ASIC2: variants seen among roughly 807,000 people sequenced by gnomAD.
ASIC2 encodes acid-sensing ion channel 2.
In ASIC2, 25 loss-of-function variants were observed where a neutral mutation model predicts 57.3. The observed-to-expected ratio is 0.44, with a 90% CI of 0.32 to 0.61. The LOEUF is 0.61. Among genes scored for constraint, ASIC2 ranks in the 20% least tolerant of loss-of-function variants. The probability of loss-of-function intolerance (pLI) is 0.06; values close to 1 mark genes in which losing one functional copy is unlikely to be tolerated. For missense variants in ASIC2, 641 were observed against 738.1 expected, an observed-to-expected ratio of 0.87 and a Z score of 1.52; for synonymous variants, 319 against 307.5, an observed-to-expected ratio of 1.04 and a Z score of -0.39.
intron 1 of ASIC2, among the ~76,000 whole-genome samples, chr17:33,868,157 A>G (rs1469935254): frequency 2.6e-5 from 4 of 151,256 alleles, no homozygotes; most frequent in African/African-American, 9.7e-5. Context: ...CCCAAAAACT[A>G]TTTATGGCAG....
intron 1 of ASIC2, among the ~76,000 whole-genome samples, chr17:34,056,593 C>G (rs556619139): frequency 6.6e-6 from 1 of 152,124 alleles, no homozygotes; most frequent in Admixed American, 6.5e-5. Context: ...AGTCCACAAC[C>G]AAATCAACCT....
intron 1 of ASIC2, among the ~76,000 whole-genome samples, chr17:33,705,729 G>A (rs1270676308): frequency 6.6e-6 from 1 of 152,140 alleles, no homozygotes; most frequent in African/African-American, 2.4e-5. Flanking sequence ...CAACACCTTG[G>A]TTTTGGCTCA....
chr17:33,125,267 C>T (rs2092318856), intron 1 of ASIC2, among the ~76,000 whole-genome samples: 1 of 152,236 alleles, frequency 6.6e-6, no homozygotes, highest in Non-Finnish European at 1.5e-5. Context: ...ATTTCTTAGA[C>T]TTGGCCCCTG....
chr17:33,651,436 T>C (rs903653030), intron 1 of ASIC2, among the ~76,000 whole-genome samples: 10 of 152,328 alleles, frequency 6.6e-5, no homozygotes, highest in African/African-American at 2.4e-4. Context: ...ATTCCAACAC[T>C]GACAGTTCTG....
intron 1 of ASIC2, among the ~76,000 whole-genome samples, chr17:33,471,670 G>C (rs1481667988): frequency 1.3e-5 from 2 of 152,118 alleles, no homozygotes; most frequent in African/African-American, 2.4e-5. Flanking sequence ...TTCTCCGCAG[G>C]AATGGCCAGA....
chr17:33,139,557 C>T (rs1029201565), intron 1 of ASIC2, among the ~76,000 whole-genome samples: 3 of 152,198 alleles, frequency 2.0e-5, no homozygotes, highest in Non-Finnish European at 2.9e-5. Context: ...CTTGGCCAGG[C>T]CCCCAACATC....
intron 1 of ASIC2, among the ~76,000 whole-genome samples, chr17:33,165,676 T>C (rs184825109): frequency 2.5e-3 from 374 of 152,264 alleles, no homozygotes; most frequent in Middle Eastern, 6.8e-3. Context: ...TTCTCACTCA[T>C]TTAAGAAGCC....
At chr17:33,428,087 C>T (rs965163787) in intron 1 of ASIC2, among the ~76,000 whole-genome samples, 1 of 152,322 alleles carries the variant, frequency 6.6e-6, no homozygotes, top group African/African-American at 2.4e-5. Flanking sequence ...ATCTTACCTG[C>T]AACCTCATAG....
intron 1 of ASIC2, among the ~76,000 whole-genome samples, chr17:34,061,520 A>G (rs1412119744): frequency 6.6e-6 from 1 of 152,226 alleles, no homozygotes; most frequent in Non-Finnish European, 1.5e-5. Flanking sequence ...GGTACCTCAC[A>G]TTTCAACACT....
intron 1 of ASIC2, among the ~76,000 whole-genome samples, chr17:33,488,929 C>T (rs1276613838): frequency 3.9e-5 from 6 of 152,040 alleles, no homozygotes; most frequent in Non-Finnish European, 7.4e-5. Context: ...CTGAGTTCCC[C>T]GAGACTCTTC....
In ASIC2 at chr17:33,292,368, C is replaced by T. The variant is rs1338888493; in HGVS notation, c.-253G>A. 1 of 986,012 alleles carries T rather than the reference C, an allele frequency of 1.0e-6. No homozygotes were observed. The highest frequency in any genetic ancestry group is 1.1e-4 in the East Asian group (1 of 8,760). 61.1% of individuals were successfully genotyped at this position (986,012 alleles called of 1,614,324 possible). ...CCTGGCAGTGGCCTCTCCCGAGCGC[C>T]TCCCAGGCTTTCCCGGCCCCTGGTC... is the stretch of plus-strand genomic sequence containing the variant. On this transcript the variant is annotated 5_prime_UTR_variant, in exon 1 of 10. Transcript: ENST00000225823.
intron 1 of ASIC2, among the ~76,000 whole-genome samples, chr17:33,485,637 A>G (rs1159828035): frequency 6.6e-6 from 1 of 152,038 alleles, no homozygotes; most frequent in African/African-American, 2.4e-5. Flanking sequence ...CCCTAAACTC[A>G]ATGAAGTGGG....
intron 1 of ASIC2, among the ~76,000 whole-genome samples, chr17:33,368,797 T>G (rs1367006335): frequency 6.6e-6 from 1 of 152,174 alleles, no homozygotes; most frequent in African/African-American, 2.4e-5. Context: ...CTGCTGGCTT[T>G]CTTTCTCTGC....
rs969785768 is a variant in ASIC2 at position 33,051,755 on chromosome 17, C to T, written c.988-23363G>A. ...AGAATCTAGCGCACTGCCTATATGA[C>T]ATATAGAAGGCAGTCAATATAGCAG... On this transcript the variant is annotated intron_variant, in intron 3 of 9. Transcript: ENST00000225823. Among the ~76,000 whole-genome samples the T allele has an allele frequency of 2.0e-5, 3 of 152,252 alleles. No individual in the cohort carries two copies. In the East Asian group the frequency reaches 5.8e-4, roughly 29 times the overall value.
chr17:33,598,410 G>C (rs1429523227), intron 1 of ASIC2, among the ~76,000 whole-genome samples: 1 of 152,146 alleles, frequency 6.6e-6, no homozygotes, highest in African/African-American at 2.4e-5. Flanking sequence ...CATATTCTTT[G>C]GGTCAAGAAT....
At chr17:33,617,113 C>G (rs1373287116) in intron 1 of ASIC2, among the ~76,000 whole-genome samples, 1 of 152,068 alleles carries the variant, frequency 6.6e-6, no homozygotes, top group Non-Finnish European at 1.5e-5. Context: ...TAGAAAGCAC[C>G]CTAGGCTTAG....
intron 3 of ASIC2, among the ~76,000 whole-genome samples, chr17:33,047,666 C>A (rs1233654093): frequency 6.6e-6 from 1 of 152,188 alleles, no homozygotes; most frequent in African/African-American, 2.4e-5. Context: ...AAAGTACTTT[C>A]ATTTCCACTA....
chr17:33,025,688 C>T (rs1424700192), intron 5 of ASIC2, among the ~76,000 whole-genome samples: 1 of 152,058 alleles, frequency 6.6e-6, no homozygotes, highest in Non-Finnish European at 1.5e-5. Flanking sequence ...CTCTTTCTCT[C>T]CCCAGTCCCA....
intron 1 of ASIC2, among the ~76,000 whole-genome samples, chr17:33,881,955 C>A (rs1197089449): frequency 2.6e-5 from 4 of 151,980 alleles, no homozygotes; most frequent in Non-Finnish European, 5.9e-5. Flanking sequence ...AAATAATACC[C>A]CACATCTACA....
Sources: gnomAD v4.1 joint callset for allele counts (sites outside exome capture counted in the v4.1 genomes callset) on GRCh38, gnomAD v4.1.1 for gene constraint, MANE v1.5 for transcripts, NCBI Gene and HGNC (gene_info 2026-07-23, HGNC 2026-07-21) for gene names.